The following ZNF320 variants were observed in gnomAD, a reference collection of about 807,000 sequenced individuals.
The protein encoded by ZNF320 is zinc finger protein 320.
Under a neutral mutation model 6.8 loss-of-function variants are expected in ZNF320, and 2 were observed. That is an observed-to-expected ratio of 0.29 (90% CI 0.12 to 0.93). The LOEUF is 0.93. Among genes scored for constraint, ZNF320 ranks in the 40% least tolerant of loss-of-function variants. The pLI, the probability that ZNF320 is intolerant of heterozygous loss-of-function variation, is 0.55. For synonymous variants in ZNF320, 208 were observed against 203.2 expected, an observed-to-expected ratio of 1.02 and a Z score of -0.20; for missense variants, 472 against 611.0, an observed-to-expected ratio of 0.77 and a Z score of 2.40.
rs956130218 is a variant in ZNF320, at chr19:52,894,394, A to C, written c.-269-538T>G. ...GCAAGACTGTCTCAAAAAAAAAAAAAAAACCAAAAAACAAAGAAAGAAAAT... is the reference window on the plus strand; with the variant it reads ...GCAAGACTGTCTCAAAAAAAAAAAACAAACCAAAAAACAAAGAAAGAAAAT... On this transcript the variant is annotated intron_variant, in intron 1 of 5. Transcript: ENST00000682928. Among the ~76,000 whole-genome samples, 79 of 141,270 alleles carry C rather than the reference A, an allele frequency of 5.6e-4. 1 individual carries two copies. The highest frequency in any genetic ancestry group is 2.6e-3 in the Admixed American group (38 of 14,480). The allele number at this position is 141,270 out of a possible 152,430, so 92.7% of individuals were successfully genotyped here. A position where few individuals can be genotyped will look rare whatever the true frequency, so the allele number is the denominator to read the frequency against.
intron 5 of ZNF320, among the ~76,000 whole-genome samples, chr19:52,871,082 T>C (rs1168266694): frequency 6.6e-6 from 1 of 152,006 alleles, no homozygotes; most frequent in African/African-American, 2.4e-5. Flanking sequence ...AGGAAGCAGA[T>C]GTTGCAGTCA....
chr19:52,872,977 T>G (rs1031348176), downstream of ZNF320, among the ~76,000 whole-genome samples: 42 of 152,176 alleles, frequency 2.8e-4, no homozygotes, highest in Non-Finnish European at 4.3e-4. Context: ...CAGGTTTATG[T>G]TTGACTTTAC....
At chr19:52,897,110 G>A (rs1223995629) in intron 1 of ZNF320, among the ~76,000 whole-genome samples, 1 of 152,264 alleles carries the variant, frequency 6.6e-6, no homozygotes, top group African/African-American at 2.4e-5. Flanking sequence ...GCTGGCTCGG[G>A]CCCACTCCCC....
chr19:52,870,491 A>G (rs1403101407), intron 5 of ZNF320, among the ~76,000 whole-genome samples: 6 of 151,168 alleles, frequency 4.0e-5, no homozygotes, highest in Admixed American at 6.6e-5. Context: ...AAAAAAAAAA[A>G]AAAAGAAAAA....
At chr19:52,902,928 A>G in the ZNF320 span, among the ~76,000 whole-genome samples, 1 of 152,212 alleles carries the variant, frequency 6.6e-6, no homozygotes, top group Non-Finnish European at 1.5e-5. Context: ...ATGTTTACAC[A>G]CAGAATTTTC....
At chr19:52,864,462 A>T (rs2063509784) in intron 5 of ZNF320, among the ~76,000 whole-genome samples, 1 of 152,216 alleles carries the variant, frequency 6.6e-6, no homozygotes, top group Non-Finnish European at 1.5e-5. Flanking sequence ...GAGCTAAAAT[A>T]CAAGTGCAGT....
At chr19:52,891,559 A>C (rs2064293859) in intron 2 of ZNF320, among the ~76,000 whole-genome samples, 1 of 152,132 alleles carries the variant, frequency 6.6e-6, no homozygotes, top group African/African-American at 2.4e-5. Context: ...GACCTGAGAC[A>C]GGAAGGGTTT....
Position 52,881,262 on chromosome 19 carries a change from G to A in ZNF320, c.864C>T (p.Leu288=), listed in dbSNP as rs760106046. ...CGKTFARNSV[L]VIHKAVHTAE... ...CAGTATGAACTGCCTTATGAATTAC[G>A]AGGACTGAATTTCGAGCGAAGGTCT... The change falls in exon 6 of 6, where the codon CTC becomes CTT. Residue 288 remains leucine (L), a synonymous_variant. Coordinates refer to ENST00000682928, the MANE Select transcript of ZNF320 (RefSeq NM_001351774.2). The A allele has an allele frequency of 2.3e-5, 37 of 1,613,696 alleles. No homozygotes were observed. The South Asian group carries it at 2.7e-4, about 12-fold the overall frequency.
At chr19:52,892,688 T>A (rs1293990008) in intron 2 of ZNF320, among the ~76,000 whole-genome samples, 8 of 152,134 alleles carry the variant, frequency 5.3e-5, no homozygotes. Context: ...TCTATAGATT[T>A]CCACCTCTTC....
intron 5 of ZNF320, among the ~76,000 whole-genome samples, chr19:52,870,722 C>G (rs2063666307): frequency 6.6e-6 from 1 of 151,128 alleles, no homozygotes; most frequent in African/African-American, 2.4e-5. Context: ...GCCTAAATCT[C>G]ACTACTGTAC....
At position 52,896,793 on chromosome 19, in the gene ZNF320, A is replaced by G. The variant is rs564569490; in HGVS notation, c.-270+727T>C. On this transcript the variant is annotated intron_variant, in intron 1 of 5. Coordinates refer to ENST00000682928, the MANE Select transcript of ZNF320 (RefSeq NM_001351774.2). The stretch of plus-strand genomic sequence containing the variant: ...GGCCAATTAAGGCAAACTTTCTAAA[A>G]CTAGACAAAAAGGAAAAACCCCATC... Among the ~76,000 whole-genome samples, 3 of 152,268 alleles carry G rather than the reference A, an allele frequency of 2.0e-5. No homozygotes were observed. The East Asian group carries it at 5.8e-4, about 29-fold the overall frequency.
At chr19:52,868,495 A>C (rs891212238) in intron 5 of ZNF320, among the ~76,000 whole-genome samples, 2 of 150,628 alleles carry the variant, frequency 1.3e-5, no homozygotes, top group African/African-American at 2.5e-5. Flanking sequence ...AAGAAGAGCG[A>C]AACTCTGTCA....
At chr19:52,867,339 C>A (rs376362635) in intron 5 of ZNF320, among the ~76,000 whole-genome samples, 1 of 150,794 alleles carries the variant, frequency 6.6e-6, no homozygotes, top group African/African-American at 2.4e-5. Context: ...CTGGGATTAC[C>A]GGTACGTGCC....
chr19:52,886,301 A>T (rs2064076405), intron 5 of ZNF320, among the ~76,000 whole-genome samples: 1 of 151,924 alleles, frequency 6.6e-6, no homozygotes, highest in African/African-American at 2.4e-5. Context: ...TGCCTGGCTA[A>T]TTTTTGTAAA....
chr19:52,892,721 C>T (rs998630529), intron 2 of ZNF320, among the ~76,000 whole-genome samples: 2 of 152,074 alleles, frequency 1.3e-5, no homozygotes, highest in Non-Finnish European at 1.5e-5. Flanking sequence ...GCATCCTCTG[C>T]TCTCCCTGTT....
chr19:52,880,417 T>G lies in ZNF320; in HGVS notation c.*179A>C, dbSNP rs998380126. 2 of 539,808 alleles carry G rather than the reference T, an allele frequency of 3.7e-6. No individual in the cohort carries two copies. The highest frequency in any genetic ancestry group is 6.4e-6 in the Non-Finnish European group (2 of 313,800). 33.4% of individuals were successfully genotyped at this position (539,808 alleles called of 1,614,324 possible). ...GGCTCCCGTCTGTTGGCCAGGCTGG[T>G]CTCAAATTCATGACCTCAAGTGACC... is the stretch of plus-strand genomic sequence containing the variant. On this transcript the variant is annotated 3_prime_UTR_variant, in exon 6 of 6. Coordinates refer to ENST00000682928, the MANE Select transcript of ZNF320 (RefSeq NM_001351774.2).
At chr19:52,887,132 T>C (rs1029879872) in intron 5 of ZNF320, among the ~76,000 whole-genome samples, 1 of 152,164 alleles carries the variant, frequency 6.6e-6, no homozygotes, top group African/African-American at 2.4e-5. Context: ...TGCCACAGAA[T>C]TCTCCCACTT....
At position 52,866,233 on chromosome 19, in the gene ZNF320, C is replaced by CAT. The variant is rs35128688; in HGVS notation, c.224-2076_224-2075dup. ...ACATATATTTATATATATGATTATA[C>CAT]ATATATATATATATAAAATCATAAG... On this transcript the variant is annotated intron_variant, in intron 5 of 5. Transcript: ENST00000673631. 1.1e-3 allele frequency among the ~76,000 whole-genome samples: 125 copies of CAT among 112,446 alleles called. 5 individuals are homozygous for CAT. Among genetic ancestry groups the CAT allele is most frequent in the African/African-American group, 3.8e-3 (92 of 24,314 alleles). The allele number at this position is 112,446 out of a possible 152,430, so 73.8% of individuals were successfully genotyped here.
chr19:52,897,741 A>G (rs951477636), upstream of ZNF320: 1 of 152,090 alleles, frequency 6.6e-6, no homozygotes, highest in African/African-American at 2.4e-5. Context: ...GACCCCCGAG[A>G]AGGTAGGCGG....
Sources: gnomAD v4.1 joint callset for allele counts (sites outside exome capture counted in the v4.1 genomes callset) on GRCh38, gnomAD v4.1.1 for gene constraint, MANE v1.5 for transcripts, NCBI Gene and HGNC (gene_info 2026-07-23, HGNC 2026-07-21) for gene names.